The following BRCA1 variants were observed in gnomAD, a reference collection of about 807,000 sequenced individuals.
The protein encoded by BRCA1 is breast cancer type 1 susceptibility protein.
A neutral mutation model predicts 173.7 loss-of-function variants in BRCA1; 140 were observed. That is an observed-to-expected ratio of 0.81 (90% confidence interval 0.70 to 0.93). BRCA1 has a LOEUF of 0.93. Ranked by LOEUF, BRCA1 falls within the 40% of genes least tolerant of loss-of-function variation. The probability of loss-of-function intolerance (pLI) is 0.00; values close to 1 mark genes in which losing one functional copy is unlikely to be tolerated. For synonymous variants in BRCA1, 662 were observed against 756.0 expected (o/e 0.88, Z 2.04); for missense variants, 1,983 against 2,172.5 (o/e 0.91, Z 1.73).
intron 14 of BRCA1, among the ~76,000 whole-genome samples, chr17:43,072,350 T>G (rs1321271125): frequency 6.6e-5 from 10 of 151,284 alleles, no homozygotes; most frequent in Non-Finnish European, 1.2e-4. Context: ...GATTGCGCCA[T>G]TGCACTCCAG....
chr17:43,163,840 G>A (rs1435884419), intron 1 of BRCA1: 1 of 152,298 alleles, frequency 6.6e-6, no homozygotes, highest in Non-Finnish European at 1.5e-5. Flanking sequence ...GAGACATGAA[G>A]TGAACTTAGT....
At chr17:43,080,431 A>G (rs1347278697) in intron 12 of BRCA1, among the ~76,000 whole-genome samples, 1 of 152,108 alleles carries the variant, frequency 6.6e-6, no homozygotes, top group African/African-American at 2.4e-5. Context: ...TCCCGACCTC[A>G]GGTGATTCGC....
chr17:43,121,181 T>C (rs1409801351), intron 2 of BRCA1, among the ~76,000 whole-genome samples: 3 of 150,972 alleles, frequency 2.0e-5, no homozygotes, highest in African/African-American at 7.3e-5. Flanking sequence ...CGAGACCATC[T>C]TGGCTAACAT....
At chr17:43,160,922 C>T (rs1342136900) in intron 1 of BRCA1, 2 of 152,164 alleles carry the variant, frequency 1.3e-5, no homozygotes, top group Non-Finnish European at 2.9e-5. Flanking sequence ...GTTCCTATTA[C>T]TATTATAACT....
intron 19 of BRCA1, 70 bp downstream of exon 19, chr17:43,056,982 C>T (rs2153343175): frequency 5.7e-6 from 8 of 1,414,716 alleles, no homozygotes; most frequent in Non-Finnish European, 8.0e-6. Context: ...AGCGGCCCAT[C>T]TCTGCAAAGG....
Position 43,092,648 on chromosome 17 carries a change from G to A in BRCA1, c.2883C>T (p.Asn961=), listed in dbSNP as rs201190540. The change falls in exon 10 of 23, where the codon AAC becomes AAT. Residue 961 remains asparagine, a synonymous_variant. Coordinates refer to ENST00000357654, the MANE Select transcript of BRCA1 (RefSeq NM_007294.4). The stretch of plus-strand genomic sequence containing the variant: ...TATTTGGAGTAATGAGTCCAGTTTC[G>A]TTGCCTCTGAACTGAGATGATAGAC... ...RFCLSSQFRG[N]ETGLITPNKH... The A allele has an allele frequency of 1.5e-5, 24 of 1,613,830 alleles. No homozygotes were observed. The highest frequency in any genetic ancestry group is 1.2e-4 in the African/African-American group (9 of 74,834).
At chr17:43,125,627 T>C, upstream of BRCA1, 1 of 265,454 alleles carries the variant, frequency 3.8e-6, no homozygotes, top group Non-Finnish European at 7.5e-6. Context: ...GCCTGCCCTC[T>C]AGCCTCTACT....
chr17:43,103,614 C>A (rs2054585940), intron 6 of BRCA1, among the ~76,000 whole-genome samples: 1 of 152,090 alleles, frequency 6.6e-6, no homozygotes, highest in Admixed American at 6.6e-5. Context: ...ATTCACCTCA[C>A]CTGGCTGTAA....
At chr17:43,100,631 GTTATATATATA>G (rs2054382253) in intron 6 of BRCA1, among the ~76,000 whole-genome samples, 5 of 37,054 alleles carry the variant, frequency 1.3e-4, no homozygotes, top group Admixed American at 7.3e-4. Context: ...ATATATATAT[GTTATATATATA>G]TAACATATAT....
At position 43,049,591 on chromosome 17, in the gene BRCA1, T is replaced by A. The variant is rs1555575345; in HGVS notation, c.5333-397A>T. ...CTAATTCTGTGTTGGTAACTGATAA[T>A]CACGGCCACTGAAAATACCATACTT... On this transcript the variant is annotated intron_variant, in intron 20 of 22. Transcript: ENST00000357654. Among the ~76,000 whole-genome samples, 1 of 152,176 alleles carries A rather than the reference T, an allele frequency of 6.6e-6. No individual in the cohort carries two copies. Among genetic ancestry groups the A allele is most frequent in the Non-Finnish European group, 1.5e-5 (1 of 68,044 alleles).
chr17:43,154,796 A>ATATATGGGAATAAGTGTAT (rs2056186259), intron 1 of BRCA1, among the ~76,000 whole-genome samples: 1 of 151,808 alleles, frequency 6.6e-6, no homozygotes, highest in African/African-American at 2.4e-5. Flanking sequence ...GAATTAAAGA[A>ATATATGGGAATAAGTGTAT]TATATGGGAA....
Position 43,094,223 on chromosome 17 carries a change from A to C in BRCA1, c.1308T>G (p.Pro436=). ...SEKIDLLASD[P]HEALICKSER... ...CACTTTTACATATTAAAGCCTCATG[A>C]GGATCACTGGCCAGTAAGTCTATTT... The change falls in exon 10 of 23, where the codon CCT becomes CCG. Residue 436 remains proline, a synonymous_variant. Transcript: ENST00000357654. The C allele has an allele frequency of 6.2e-7, 1 of 1,614,130 alleles. No homozygotes were observed. Among genetic ancestry groups the C allele is most frequent in the Non-Finnish European group, 8.5e-7 (1 of 1,180,036 alleles).
chr17:43,114,727 T>C lies in BRCA1; in HGVS notation c.134+999A>G, dbSNP rs2055185519. On this transcript the variant is annotated intron_variant, in intron 3 of 22. Transcript: ENST00000357654. ...TTGTGCTAATAAACTTTTTACCAAG[T>C]ACATAGTTTGTACCTGGTACCAGGT... Among the ~76,000 whole-genome samples the C allele has an allele frequency of 2.6e-5, 4 of 152,196 alleles. No individual in the cohort carries two copies. The South Asian group carries it at 8.3e-4, about 32-fold the overall frequency.
chr17:43,071,860 T>C (rs1404738249), intron 14 of BRCA1, among the ~76,000 whole-genome samples: 1 of 150,028 alleles, frequency 6.7e-6, no homozygotes, highest in Non-Finnish European at 1.5e-5. Context: ...AAAAAAAAAT[T>C]AGCTGGGCGT....
In BRCA1 at chr17:43,071,154, G is replaced by A. The variant is rs397509195; in HGVS notation, c.4760C>T (p.Ser1587Leu). The A allele has an allele frequency of 6.2e-7, 1 of 1,614,212 alleles. No homozygotes were observed. Among genetic ancestry groups the A allele is most frequent in the East Asian group, 2.2e-5 (1 of 44,888 alleles). ...SDPSEDRAPE[S>L]ARVGNIPSST... ...AGATGGTATGTTGCCAACACGAGCT[G>A]ACTCTGGGGCTCTGTCTTCAGAAGG... The change falls in exon 15 of 23, where the codon TCA (serine) becomes TTA (leucine). Residue 1587 changes from serine (S) to leucine (L), a missense_variant. Physicochemically the swap from Ser to Leu is moderately radical, Grantham distance 145. Transcript: ENST00000357654.
intron 2 of BRCA1, among the ~76,000 whole-genome samples, chr17:43,116,730 G>A (rs995223581): frequency 2.6e-5 from 4 of 152,154 alleles, no homozygotes; most frequent in African/African-American, 9.7e-5. Context: ...ATGTTGGCCG[G>A]CTGGTCTTGA....
chr17:43,107,764 C>T lies in BRCA1; in HGVS notation c.135-1231G>A, dbSNP rs799914. The stretch of plus-strand genomic sequence containing the variant: ...CATGTAAAAGAATGAAATTATACTC[C>T]TATCTCACACCAAATAACAAAAGTT... On this transcript the variant is annotated intron_variant, in intron 3 of 22. Coordinates refer to ENST00000357654, the MANE Select transcript of BRCA1 (RefSeq NM_007294.4). Among the ~76,000 whole-genome samples, 5,133 of 152,218 alleles carry T rather than the reference C, an allele frequency of 0.034. 303 individuals are homozygous for T. Among genetic ancestry groups the T allele is most frequent in the African/African-American group, 0.12 (4,901 of 41,492 alleles).
chr17:43,079,179 A>G, intron 12 of BRCA1: 3 of 702,486 alleles, frequency 4.3e-6, no homozygotes. Context: ...CATCTCAAAC[A>G]AAAACAAAAC....
At chr17:43,080,512 C>T (rs1307295862) in intron 12 of BRCA1, among the ~76,000 whole-genome samples, 3 of 151,040 alleles carry the variant, frequency 2.0e-5, no homozygotes, top group Non-Finnish European at 4.4e-5. Context: ...ATTCTTTTTA[C>T]TAGAAGTTCT....
Sources: gnomAD v4.1 joint callset for allele counts (sites outside exome capture counted in the v4.1 genomes callset) on GRCh38, gnomAD v4.1.1 for gene constraint, MANE v1.5 for transcripts, NCBI Gene and HGNC (gene_info 2026-07-23, HGNC 2026-07-21) for gene names.